The following CHCHD3 variants were observed in gnomAD, a reference collection of about 807,000 sequenced individuals.
The protein encoded by CHCHD3 is coiled-coil-helix-coiled-coil-helix domain containing 3.
A neutral mutation model predicts 38.2 loss-of-function variants in CHCHD3; 20 were observed. That is an observed-to-expected ratio of 0.52 (90% CI 0.37 to 0.76). The LOEUF (loss-of-function observed/expected upper bound fraction) is 0.76. CHCHD3 is among the 30% of genes least tolerant of loss of function. CHCHD3 has a pLI of 0.00. For missense variants in CHCHD3, 245 were observed against 279.2 expected (o/e 0.88, Z 0.87); for synonymous variants, 82 against 100.0 (o/e 0.82, Z 1.07).
At chr7:132,960,662 A>C (rs1011377718) in intron 4 of CHCHD3, among the ~76,000 whole-genome samples, 5 of 152,144 alleles carry the variant, frequency 3.3e-5, no homozygotes, top group African/African-American at 1.2e-4. Flanking sequence ...GCAAAACAGA[A>C]GATCTAATGG....
chr7:133,020,879 C>T (rs1019805542), intron 3 of CHCHD3, among the ~76,000 whole-genome samples: 6 of 151,596 alleles, frequency 4.0e-5, no homozygotes, highest in Non-Finnish European at 7.4e-5. Context: ...TGAAGAATAC[C>T]TTAGCCCTGG....
At chr7:132,920,956 C>A (rs899515590) in intron 4 of CHCHD3, among the ~76,000 whole-genome samples, 24 of 152,110 alleles carry the variant, frequency 1.6e-4, no homozygotes, top group Non-Finnish European at 3.1e-4. Context: ...TATTTTCTGT[C>A]CACTTACCTC....
chr7:132,948,387 G>C (rs1375331523), intron 4 of CHCHD3, among the ~76,000 whole-genome samples: 3 of 152,094 alleles, frequency 2.0e-5, no homozygotes, highest in African/African-American at 7.2e-5. Flanking sequence ...GAAAATGGTG[G>C]AAGAGTGAGG....
At position 132,788,235 on chromosome 7, in the gene CHCHD3, T is replaced by C. The variant is rs1195697819; in HGVS notation, c.661-2575A>G. Among the ~76,000 whole-genome samples, 2 of 152,186 alleles carry C rather than the reference T, an allele frequency of 1.3e-5. No individual in the cohort carries two copies. Among genetic ancestry groups the C allele is most frequent in the Admixed American group, 6.5e-5 (1 of 15,278 alleles). On this transcript the variant is annotated intron_variant, in intron 7 of 7. Transcript: ENST00000262570. This position sits in a 1 kb window ranked among gnomAD's most constrained non-coding sequence, Gnocchi z 4.0. ...ATCAAGCAGATCTATACTGAGCCTA[T>C]CTAAGGGAATGCAGTTACTAGAGAA...
chr7:132,934,421 G>A (rs1283144293), intron 4 of CHCHD3, among the ~76,000 whole-genome samples: 2 of 152,194 alleles, frequency 1.3e-5, no homozygotes, highest in African/African-American at 4.8e-5. Flanking sequence ...GTGGGACACA[G>A]ATAAGCAGGG....
rs1813625959 is a variant in CHCHD3 at position 133,035,077 on chromosome 7, G to A, written c.170-10450C>T. ...AACACAAAGGTACTCTTGGGCAGGT[G>A]AGCGAAGGGGTCCTTGGCCTTGGGC... is the stretch of plus-strand genomic sequence containing the variant. On this transcript the variant is annotated intron_variant, in intron 2 of 7. Coordinates refer to ENST00000262570, the MANE Select transcript of CHCHD3 (RefSeq NM_017812.4). The surrounding 1 kb of genome is among the most constrained non-coding windows in gnomAD (Gnocchi z 4.7). 6.2e-7 allele frequency: 1 copy of A among 1,613,628 alleles called. No homozygotes were observed. Among genetic ancestry groups the A allele is most frequent in the African/African-American group, 1.3e-5 (1 of 74,896 alleles).
chr7:132,832,830 C>G (rs886171042), intron 6 of CHCHD3, among the ~76,000 whole-genome samples: 1 of 152,192 alleles, frequency 6.6e-6, no homozygotes, highest in African/African-American at 2.4e-5. Flanking sequence ...GCCGGCAGCA[C>G]TCCAGCTACA....
chr7:132,974,053 A>C (rs1811690590), intron 4 of CHCHD3: 2 of 1,269,762 alleles, frequency 1.6e-6, no homozygotes, highest in Non-Finnish European at 2.0e-6. Context: ...AAATTGCTTA[A>C]TAAATTATGT....
intron 4 of CHCHD3, chr7:132,886,849 C>T: frequency 1.9e-6 from 1 of 526,206 alleles, no homozygotes; most frequent in Non-Finnish European, 2.9e-6. Flanking sequence ...GCTATTTCAC[C>T]AAAATTCTTT....
chr7:132,960,061 T>G (rs915527615), intron 4 of CHCHD3, among the ~76,000 whole-genome samples: 7 of 152,196 alleles, frequency 4.6e-5, no homozygotes, highest in African/African-American at 1.7e-4. Flanking sequence ...CAACCTTTGT[T>G]GCAATCAGAA....
chr7:132,912,999 C>T (rs1809995092), intron 4 of CHCHD3, among the ~76,000 whole-genome samples: 1 of 152,208 alleles, frequency 6.6e-6, no homozygotes, highest in South Asian at 2.1e-4. Context: ...TGCTCAGCAG[C>T]CCACATGCAC....
chr7:132,954,508 C>T (rs1292096734), intron 4 of CHCHD3, among the ~76,000 whole-genome samples: 1 of 152,106 alleles, frequency 6.6e-6, no homozygotes, highest in African/African-American at 2.4e-5. Context: ...GGCAACCATC[C>T]AGAGACAAAT....
chr7:132,952,060 T>C (rs1460625648), intron 4 of CHCHD3, among the ~76,000 whole-genome samples: 1 of 152,234 alleles, frequency 6.6e-6, no homozygotes, highest in African/African-American at 2.4e-5. Context: ...TTCACTGTCA[T>C]ACAATGTGGA....
chr7:133,055,312 AAT>A (rs1244361878), intron 2 of CHCHD3, among the ~76,000 whole-genome samples: 1 of 146,180 alleles, frequency 6.8e-6, no homozygotes, highest in Non-Finnish European at 1.5e-5. Flanking sequence ...TAATTAGTTG[AAT>A]ATATTATATA....
At chr7:132,858,488 C>T (rs1031127423) in intron 5 of CHCHD3, among the ~76,000 whole-genome samples, 1 of 152,218 alleles carries the variant, frequency 6.6e-6, no homozygotes, top group Non-Finnish European at 1.5e-5. Flanking sequence ...TAACACAACC[C>T]CTCAAGCAGA....
chr7:132,909,070 C>G (rs1004460339), intron 4 of CHCHD3, among the ~76,000 whole-genome samples: 1 of 152,070 alleles, frequency 6.6e-6, no homozygotes, highest in African/African-American at 2.4e-5. Context: ...GCTTTTCCCC[C>G]GTTTGTTTGG....
intron 4 of CHCHD3, among the ~76,000 whole-genome samples, chr7:132,971,870 C>A (rs868700288): frequency 6.6e-6 from 1 of 152,172 alleles, no homozygotes; most frequent in Non-Finnish European, 1.5e-5. Flanking sequence ...AATAGGGGCC[C>A]TCCAAAATAG....
chr7:132,841,590 T>C (rs4731907), intron 5 of CHCHD3, among the ~76,000 whole-genome samples: 80,368 of 151,952 alleles, frequency 0.53, 21,372 homozygotes, highest in South Asian at 0.59. Context: ...CAGTACGATG[T>C]ACCTTATGCC....
chr7:133,003,239 T>G (rs1258317194), intron 3 of CHCHD3, among the ~76,000 whole-genome samples: 1 of 152,104 alleles, frequency 6.6e-6, no homozygotes, highest in Non-Finnish European at 1.5e-5. Flanking sequence ...AAACTCCCAC[T>G]ATTGCCAATT....
Sources: allele counts gnomAD v4.1 joint callset (sites outside exome capture counted in the v4.1 genomes callset), GRCh38; gene constraint gnomAD v4.1.1; non-coding constraint Gnocchi (gnomAD v3.1); transcripts MANE v1.5; gene names NCBI Gene and HGNC (gene_info 2026-07-23, HGNC 2026-07-21).